The following PRIM1 variants were observed in gnomAD, a reference collection of about 807,000 sequenced individuals.
The protein encoded by PRIM1 is DNA primase subunit 1, also known as DNA primase small subunit.
A neutral mutation model predicts 60.2 loss-of-function variants in PRIM1; 38 were observed. The ratio of observed to expected loss-of-function variants is 0.63; its 90% CI spans 0.49 to 0.83. The LOEUF (loss-of-function observed/expected upper bound fraction) is 0.83, where lower values mean the gene tolerates loss of function less well. Ranked by LOEUF, PRIM1 falls within the 40% of genes least tolerant of loss-of-function variation. The probability of loss-of-function intolerance (pLI) is 0.00; values close to 1 mark genes in which losing one functional copy is unlikely to be tolerated. For missense variants in PRIM1, 388 were observed against 506.2 expected (o/e 0.77, Z 2.24); for synonymous variants, 158 against 160.2 (o/e 0.99, Z 0.10).
At chr12:56,737,160 C>T (rs776933471) in intron 11 of PRIM1, among the ~76,000 whole-genome samples, 3 of 152,006 alleles carry the variant, frequency 2.0e-5, no homozygotes, top group Admixed American at 6.6e-5. Flanking sequence ...TTGTGAACTG[C>T]GCATGTGAGG....
In PRIM1 at chr12:56,739,290, A is replaced by G. The variant is rs764346572; in HGVS notation, c.1052+4T>C. 6.3e-5 allele frequency: 98 copies of G among 1,551,034 alleles called. No individual in the cohort carries two copies. Among genetic ancestry groups the G allele is most frequent in the Non-Finnish European group, 8.6e-5 (98 of 1,138,466 alleles). On this transcript the variant is annotated splice_donor_region_variant and intron_variant, in intron 10 of 12. Transcript: ENST00000338193. ...CAAGGAGTGATCAATGATCTGAAACATACCTTATGGTCGGAACAGTAAATG... is the reference window on the plus strand; with the variant it reads ...CAAGGAGTGATCAATGATCTGAAACGTACCTTATGGTCGGAACAGTAAATG...
Position 56,744,086 on chromosome 12 carries a change from T to G in PRIM1, c.617A>C (p.Glu206Ala). The G allele has an allele frequency of 6.4e-7, 1 of 1,573,464 alleles. No homozygotes were observed. Among genetic ancestry groups the G allele is most frequent in the Non-Finnish European group, 8.6e-7 (1 of 1,157,462 alleles). Residue 206 changes from glutamate (E) to alanine (A), a missense_variant, in exon 6 of 13, where the codon GAA becomes GCA. This residue lies in a region of PRIM1 where 211 missense variants were observed against 277.9 expected (regional missense o/e 0.76). Transcript: ENST00000338193. ...AGACCTGATAAAAGGGTGAATTTTT[T>G]CACTTAGGTGAACTTTCTTTTTAAC... is the stretch of plus-strand genomic sequence containing the variant. The part of the protein sequence containing the change: ...QDVKKKVHLS[E>A]KIHPFIRKSI...
rs1431432491 is a variant in PRIM1, at chr12:56,739,304, G to C, written c.1042C>G (p.Pro348Ala). The change falls in exon 10 of 13, where the codon CCG (proline) becomes GCG (alanine). Residue 348 changes from proline (P) to alanine (A), a missense_variant. Pro to Ala is a conservative substitution (Grantham distance 27). Transcript: ENST00000338193. The stretch of plus-strand genomic sequence containing the variant: ...TGATCTGAAACATACCTTATGGTCG[G>C]AACAGTAAATGGATCAAACTGGTCC... The part of the protein sequence containing the change: ...KVDQFDPFTV[P>A]TISFICRELD... 1 of 1,569,456 alleles carries C rather than the reference G, an allele frequency of 6.4e-7. No homozygotes were observed. The highest frequency in any genetic ancestry group is 8.7e-7 in the Non-Finnish European group (1 of 1,150,752).
chr12:56,752,100 T>C, intron 1 of PRIM1, 96 bp downstream of exon 1: 1 of 827,596 alleles, frequency 1.2e-6, no homozygotes, highest in Admixed American at 2.5e-5. Context: ...GCACAAAGCC[T>C]GGTGCACAGA....
At chr12:56,741,638 A>G in intron 8 of PRIM1, 62 bp from the exon 9 acceptor site, 2 of 1,578,604 alleles carry the variant, frequency 1.3e-6, no homozygotes, top group Non-Finnish European at 1.7e-6. Flanking sequence ...TTCTTTAAAG[A>G]AAGTTAAAAA....
intron 2 of PRIM1, among the ~76,000 whole-genome samples, chr12:56,750,592 CTTTT>C (rs758888858): frequency 7.0e-6 from 1 of 143,294 alleles, no homozygotes; most frequent in Non-Finnish European, 1.5e-5. Context: ...TTATTTCCCT[CTTTT>C]TTTTTTTTTT....
intron 11 of PRIM1, among the ~76,000 whole-genome samples, chr12:56,735,142 C>T (rs1185968019): frequency 1.4e-5 from 2 of 147,646 alleles, no homozygotes; most frequent in Non-Finnish European, 3.0e-5. Flanking sequence ...TGCTCTGTTG[C>T]CAGGCTGGTA....
At position 56,741,799 on chromosome 12, in the gene PRIM1, G is replaced by C. The variant is rs928901352; in HGVS notation, c.787C>G (p.His263Asp). 1 of 1,613,990 alleles carries C rather than the reference G, an allele frequency of 6.2e-7. No individual in the cohort carries two copies. The highest frequency in any genetic ancestry group is 8.5e-7 in the Non-Finnish European group (1 of 1,179,878). Reference sequence around the variant, plus strand: ...TGCTCCCAACGCTGAAGTGAATTGTGAGACTTTTGGAAGCTTTGTTGAAGT... The same window carrying C: ...TGCTCCCAACGCTGAAGTGAATTGTCAGACTTTTGGAAGCTTTGTTGAAGT... ...DELQQSFQKS[H>D]NSLQRWEHLK... is the part of the protein sequence containing the mutation. The change falls in exon 8 of 13, where the codon CAC becomes GAC. Residue 263 changes from histidine (H) to aspartate (D), a missense_variant. Transcript: ENST00000338193.
chr12:56,738,075 G>A (rs1371314854), intron 11 of PRIM1, among the ~76,000 whole-genome samples: 1 of 152,136 alleles, frequency 6.6e-6, no homozygotes, highest in Admixed American at 6.5e-5. Context: ...TTAGACATAT[G>A]TTTACCATAA....
At position 56,746,675 on chromosome 12, in the gene PRIM1, C is replaced by A. The variant is rs953885835; in HGVS notation, c.442+106G>T. 4.0e-3 allele frequency: 1,204 copies of A among 304,656 alleles called. 54 individuals are homozygous for A. The highest frequency in any genetic ancestry group is 6.9e-3 in the Admixed American group (139 of 20,092). The allele number at this position is 304,656 out of a possible 1,614,324, so 18.9% of individuals were successfully genotyped here. A position where few individuals can be genotyped will look rare whatever the true frequency, so the allele number is the denominator to read the frequency against. On this transcript the variant is annotated intron_variant, in intron 4 of 12. Coordinates refer to ENST00000338193, the MANE Select transcript of PRIM1 (RefSeq NM_000946.3). ...ACACACACACACACACACACACACA[C>A]AAATTAATGAGATTTGATCACAAAA...
At chr12:56,738,331 C>G in intron 11 of PRIM1, 103 bp downstream of exon 11, 1 of 1,434,666 alleles carries the variant, frequency 7.0e-7, no homozygotes, top group Non-Finnish European at 9.3e-7. Flanking sequence ...AGGACAAATG[C>G]TGATCCATTC....
chr12:56,745,364 T>A (rs1953898976), intron 5 of PRIM1, among the ~76,000 whole-genome samples: 1 of 151,798 alleles, frequency 6.6e-6, no homozygotes, highest in African/African-American at 2.4e-5. Context: ...TGAGCTGTGG[T>A]CACGTTACCG....
intron 5 of PRIM1, 55 bp from the exon 6 acceptor site, chr12:56,744,178 T>C: frequency 7.6e-7 from 1 of 1,316,280 alleles, no homozygotes; most frequent in African/African-American, 1.5e-5. Flanking sequence ...AATACAGTCA[T>C]GTGCAGCATA....
chr12:56,738,276 T>C (rs1187970875), intron 11 of PRIM1, among the ~76,000 whole-genome samples, 158 bp downstream of exon 11: 1 of 152,212 alleles, frequency 6.6e-6, no homozygotes, highest in Non-Finnish European at 1.5e-5. Context: ...ATAACACCAC[T>C]TGGGCTGCTG....
At position 56,736,298 on chromosome 12, in the gene PRIM1, TAAAAAAAAAA is replaced by T. The variant is rs756452647; in HGVS notation, c.1145-2063_1145-2054del. On this transcript the variant is annotated intron_variant, in intron 11 of 12. Transcript: ENST00000338193. ...GGGTGACAGAGTAAGACTCTTTCTC[TAAAAAAAAAA>T]AAAAAAAAAAAAAAAAAAAGAATAT... Among the ~76,000 whole-genome samples, 11 of 24,316 alleles carry T rather than the reference TAAAAAAAAAA, an allele frequency of 4.5e-4. 1 individual carries two copies. The highest frequency in any genetic ancestry group is 8.0e-4 in the Admixed American group (1 of 1,244). 16.0% of individuals were successfully genotyped at this position (24,316 alleles called of 152,430 possible). A position where few individuals can be genotyped will look rare whatever the true frequency, so the allele number is the denominator to read the frequency against.
At chr12:56,752,125 G>C (rs1379205806) in intron 1 of PRIM1, 71 bp downstream of exon 1, 1 of 1,156,230 alleles carries the variant, frequency 8.6e-7, no homozygotes, top group Non-Finnish European at 1.2e-6. Context: ...GCTTCATATT[G>C]TCATTCTAAG....
At chr12:56,735,629 T>G (rs1012929874) in intron 11 of PRIM1, among the ~76,000 whole-genome samples, 2 of 151,914 alleles carry the variant, frequency 1.3e-5, no homozygotes, top group Non-Finnish European at 2.9e-5. Flanking sequence ...TGGAGATTAT[T>G]AGAAGTTTTT....
chr12:56,744,620 T>C (rs1010350932), intron 5 of PRIM1, among the ~76,000 whole-genome samples: 5 of 152,192 alleles, frequency 3.3e-5, no homozygotes, highest in African/African-American at 9.7e-5. Flanking sequence ...GCCTACAGTA[T>C]TGAGTACAGT....
Position 56,741,820 on chromosome 12 carries a change from G to T in PRIM1, c.766C>A (p.Gln256Lys), listed in dbSNP as rs764852841. The T allele has an allele frequency of 2.5e-6, 4 of 1,613,838 alleles. No individual in the cohort carries two copies. The African/African-American group carries it at 4.0e-5, about 16-fold the overall frequency. The change falls in exon 8 of 13, where the codon CAA becomes AAA. Residue 256 changes from glutamine to lysine, a missense_variant. Transcript: ENST00000338193. ...LVPETIHDELQQSFQKSHNSL... is the reference protein window; with the variant it reads ...LVPETIHDELKQSFQKSHNSL... ...TTGTGAGACTTTTGGAAGCTTTGTT[G>T]AAGTTCATCATGAATTGGTGATGGG...
Sources: allele counts gnomAD v4.1 joint callset (sites outside exome capture counted in the v4.1 genomes callset), GRCh38; gene constraint gnomAD v4.1.1; regional missense constraint gnomAD v4.1.1; transcripts MANE v1.5; gene names NCBI Gene and HGNC (gene_info 2026-07-23, HGNC 2026-07-21).